The following NF1 variants were observed in gnomAD, a reference collection of about 807,000 sequenced individuals.
NF1 encodes neurofibromin 1, also known as neurofibromin.
In NF1, 122 loss-of-function variants were observed where a neutral mutation model predicts 325.7. The ratio of observed to expected loss-of-function variants is 0.37; its 90% confidence interval spans 0.32 to 0.44. NF1 has a LOEUF of 0.44. Ranked by LOEUF, NF1 falls within the 20% of genes least tolerant of loss-of-function variation. NF1 has a pLI of 1.00. For missense variants in NF1, 2,140 were observed against 3,415.4 expected (o/e 0.63, Z 9.31); for synonymous variants, 1,091 against 1,186.0 (o/e 0.92, Z 1.65).
At chr17:31,148,125 G>A (rs1215686586) in intron 1 of NF1, among the ~76,000 whole-genome samples, 1 of 152,116 alleles carries the variant, frequency 6.6e-6, no homozygotes, top group Admixed American at 6.6e-5. Flanking sequence ...CTTCAAACAG[G>A]TGATTTTTAT....
chr17:31,251,698 A>G (rs893389789), intron 30 of NF1: 5 of 201,138 alleles, frequency 2.5e-5, no homozygotes, highest in African/African-American at 1.1e-4. Flanking sequence ...AATGATAGTT[A>G]TATACCACTG....
Position 31,366,098 on chromosome 17 carries a change from C to T in NF1, c.8377+5395C>T, listed in dbSNP as rs561865359. Reference sequence around the variant, plus strand: ...TACAGGCACCCACTACCATGCCTGGCTAATTTTTGTATTTTTAGTGGAGAC... The same window carrying T: ...TACAGGCACCCACTACCATGCCTGGTTAATTTTTGTATTTTTAGTGGAGAC... On this transcript the variant is annotated intron_variant, in intron 57 of 57. Transcript: ENST00000358273. Among the ~76,000 whole-genome samples, 11 of 152,028 alleles carry T rather than the reference C, an allele frequency of 7.2e-5. No individual in the cohort carries two copies. The East Asian group carries it at 1.9e-3, about 27-fold the overall frequency.
chr17:31,267,240 A>G (rs2067808121), intron 36 of NF1, among the ~76,000 whole-genome samples: 1 of 152,154 alleles, frequency 6.6e-6, no homozygotes, highest in Admixed American at 6.5e-5. Context: ...CCTTAGCTGC[A>G]TAATCTTAGA....
At chr17:31,344,133 A>G (rs2151566422) in intron 48 of NF1, among the ~76,000 whole-genome samples, 1 of 152,324 alleles carries the variant, frequency 6.6e-6, no homozygotes, top group African/African-American at 2.4e-5. Context: ...AGATTTGATC[A>G]CAGATTTTCT....
intron 36 of NF1, among the ~76,000 whole-genome samples, chr17:31,286,222 G>C (rs911575554): frequency 4.6e-5 from 7 of 152,214 alleles, no homozygotes; most frequent in Middle Eastern, 3.4e-3. Flanking sequence ...AGCCTCCCGA[G>C]TAGCTGGGAT....
At chr17:31,278,901 C>T (rs1277726047) in intron 36 of NF1, among the ~76,000 whole-genome samples, 1 of 152,082 alleles carries the variant, frequency 6.6e-6, no homozygotes. Flanking sequence ...AGGCGTGAGC[C>T]GCCGCGCCTG....
At chr17:31,293,315 G>A (rs2068390206) in intron 36 of NF1, among the ~76,000 whole-genome samples, 2 of 151,722 alleles carry the variant, frequency 1.3e-5, no homozygotes, top group African/African-American at 4.8e-5. Flanking sequence ...ATCATGGATG[G>A]TGAAGGTACT....
intron 36 of NF1, among the ~76,000 whole-genome samples, chr17:31,274,244 A>C (rs2067959538): frequency 6.6e-6 from 1 of 152,174 alleles, no homozygotes; most frequent in Non-Finnish European, 1.5e-5. Context: ...CTTGAAGTGC[A>C]TAAAGTAAAT....
intron 57 of NF1, among the ~76,000 whole-genome samples, chr17:31,370,409 A>G (rs1567632926): frequency 6.6e-6 from 1 of 152,130 alleles, no homozygotes; most frequent in Admixed American, 6.6e-5. Flanking sequence ...ATTTTGGTGC[A>G]TTTCCTTCCA....
At chr17:31,369,865 A>G (rs999942519) in intron 57 of NF1, among the ~76,000 whole-genome samples, 1 of 152,212 alleles carries the variant, frequency 6.6e-6, no homozygotes, top group Admixed American at 6.5e-5. Context: ...GATAAAAAGA[A>G]AGAATGCTGC....
intron 1 of NF1, among the ~76,000 whole-genome samples, chr17:31,129,693 T>C (rs1373978691): frequency 2.6e-5 from 4 of 152,160 alleles, no homozygotes; most frequent in Non-Finnish European, 4.4e-5. Context: ...CCTCCCAAAA[T>C]GTTGAGATTA....
At chr17:31,304,093 CT>C (rs199724907) in intron 36 of NF1, 3 of 578,506 alleles carry the variant, frequency 5.2e-6, no homozygotes, top group Admixed American at 3.6e-5. Flanking sequence ...TGTTAAATAA[CT>C]TTTTTTAAAA....
intron 36 of NF1, among the ~76,000 whole-genome samples, chr17:31,269,951 AAGG>A (rs2067860853): frequency 6.6e-6 from 1 of 152,270 alleles, no homozygotes; most frequent in Admixed American, 6.5e-5. Flanking sequence ...CATGAACTAA[AAGG>A]AGGGCATGGG....
intron 11 of NF1, among the ~76,000 whole-genome samples, chr17:31,203,028 A>G (rs1451088305): frequency 6.6e-6 from 1 of 152,210 alleles, no homozygotes; most frequent in East Asian, 1.9e-4. Context: ...ATAAACCCAA[A>G]TATATACTTT....
rs1277715972 is a variant in NF1, at chr17:31,258,443, G to C, written c.4273G>C (p.Gly1425Arg). 6.2e-7 allele frequency: 1 copy of C among 1,613,850 alleles called. No individual in the cohort carries two copies. The highest frequency in any genetic ancestry group is 1.1e-5 in the South Asian group (1 of 91,066). The change falls in exon 32 of 58, where the codon GGG becomes CGG. Residue 1425 changes from glycine to arginine, a missense_variant. Gly to Arg is a moderately radical substitution (Grantham distance 125). Coordinates refer to ENST00000358273, the MANE Select transcript of NF1 (RefSeq NM_001042492.3). ...NPAIVSPYEA[G>R]ILDKKPPPRI... ...TGCCATTGTCTCACCGTATGAAGCA[G>C]GGATTTTAGATAAAAAGCCACCACC...
chr17:31,163,848 C>G (rs1322263345), intron 4 of NF1, among the ~76,000 whole-genome samples: 1 of 152,088 alleles, frequency 6.6e-6, no homozygotes, highest in African/African-American at 2.4e-5. Flanking sequence ...TTTCACAACT[C>G]TACCCTTTAT....
At chr17:31,198,554 A>G (rs1350028404) in intron 8 of NF1, among the ~76,000 whole-genome samples, 1 of 151,742 alleles carries the variant, frequency 6.6e-6, no homozygotes, top group Admixed American at 6.6e-5. Flanking sequence ...AGTTTTACAT[A>G]GTATCGTCTC....
intron 57 of NF1, 41 bp downstream of exon 57, chr17:31,360,744 T>G (rs780794404): frequency 6.6e-7 from 1 of 1,521,730 alleles, no homozygotes; most frequent in Admixed American, 1.7e-5. Context: ...AGCAACAATA[T>G]AAGACACCAA....
chr17:31,342,625 G>A (rs1597850795), intron 47 of NF1, among the ~76,000 whole-genome samples: 1 of 152,132 alleles, frequency 6.6e-6, no homozygotes, highest in East Asian at 1.9e-4. Flanking sequence ...TTGCAAATGG[G>A]GCATCTGCCT....
Sources: gnomAD v4.1 joint callset for allele counts (sites outside exome capture counted in the v4.1 genomes callset) on GRCh38, gnomAD v4.1.1 for gene constraint, MANE v1.5 for transcripts, NCBI Gene and HGNC (gene_info 2026-07-23, HGNC 2026-07-21) for gene names.